The following VIPR1 variants were observed in gnomAD, a reference collection of about 807,000 sequenced individuals.
VIPR1 encodes vasoactive intestinal polypeptide receptor 1.
In VIPR1, 59 loss-of-function variants were observed where a neutral mutation model predicts 58.8. The ratio of observed to expected loss-of-function variants is 1.00; its 90% confidence interval spans 0.81 to 1.25. The LOEUF (loss-of-function observed/expected upper bound fraction) is 1.25. VIPR1 is among the 50% of genes most tolerant of loss of function. The probability of loss-of-function intolerance (pLI) is 0.00; values close to 1 mark genes in which losing one functional copy is unlikely to be tolerated. For missense variants in VIPR1, 626 were observed against 602.7 expected (o/e 1.04, Z -0.40); for synonymous variants, 251 against 242.1 (o/e 1.04, Z -0.34).
chr3:42,494,154 G>A (rs1209214831), intron 1 of VIPR1, among the ~76,000 whole-genome samples: 2 of 152,166 alleles, frequency 1.3e-5, no homozygotes, highest in African/African-American at 2.4e-5. Context: ...CTTTATTGAC[G>A]CTGCTGTTTA....
At position 42,532,215 on chromosome 3, in the gene VIPR1, G is replaced by A. The variant is rs199512560; in HGVS notation, c.919-27G>A. ...ACACCTCAGCCTTCCCGCTCTGACT[G>A]CCCGAACTCGGGTCCCCACCCACTA... On this transcript the variant is annotated intron_variant, in intron 9 of 12. Coordinates refer to ENST00000325123, the MANE Select transcript of VIPR1 (RefSeq NM_004624.4). 4.3e-6 allele frequency: 7 copies of A among 1,611,834 alleles called. No homozygotes were observed. The African/African-American group carries it at 5.3e-5, about 12-fold the overall frequency.
At chr3:42,526,032 C>T (rs926854394) in intron 4 of VIPR1, 39 bp downstream of exon 4, 16 of 1,562,672 alleles carry the variant, frequency 1.0e-5, no homozygotes, top group South Asian at 2.3e-5. Flanking sequence ...TGCAGAGCGC[C>T]GGGGCCCACC....
Position 42,502,749 on chromosome 3 carries a change from G to A in VIPR1, c.14G>A (p.Ser5Asn). The A allele has an allele frequency of 7.6e-7, 1 of 1,312,062 alleles. No individual in the cohort carries two copies. Among genetic ancestry groups the A allele is most frequent in the South Asian group, 2.2e-5 (1 of 45,164 alleles). 81.3% of individuals were successfully genotyped at this position (1,312,062 alleles called of 1,614,324 possible). A position where few individuals can be genotyped will look rare whatever the true frequency, so the allele number is the denominator to read the frequency against. ...TCAGGGCAGACCATGCGCCCGCCAA[G>A]TCCGCTGCCCGCCCGCTGGCTATGC... is the stretch of plus-strand genomic sequence containing the variant. MRPP[S>N]PLPARWLCVL... The change falls in exon 1 of 13, where the codon AGT becomes AAT. Residue 5 changes from serine to asparagine, a missense_variant. Physicochemically the swap from Ser to Asn is conservative, Grantham distance 46 (BLOSUM62 1). Transcript: ENST00000325123.
chr3:42,536,139 T>C lies in VIPR1; in HGVS notation c.1232T>C (p.Val411Ala), dbSNP rs779308639. The change falls in exon 13 of 13, where the codon GTC becomes GCC. Residue 411 changes from valine to alanine, a missense_variant. Coordinates refer to ENST00000325123, the MANE Select transcript of VIPR1 (RefSeq NM_004624.4). The part of the protein sequence containing the change: ...RKWRRWHLQG[V>A]LGWNPKYRHP... ...TGGCGGCGCTGGCACCTGCAGGGCG[T>C]CCTGGGCTGGAACCCCAAATACCGG... 4 of 1,605,816 alleles carry C rather than the reference T, an allele frequency of 2.5e-6. No individual in the cohort carries two copies. The Admixed American group carries it at 6.7e-5, about 27-fold the overall frequency.
At chr3:42,500,811 A>G (rs1699853545), upstream of VIPR1, among the ~76,000 whole-genome samples, 1 of 152,194 alleles carries the variant, frequency 6.6e-6, no homozygotes, top group Non-Finnish European at 1.5e-5. Flanking sequence ...GAGATCGAGT[A>G]CAAACCCAAG....
intron 2 of VIPR1, among the ~76,000 whole-genome samples, chr3:42,514,502 G>A (rs532200860): frequency 2.7e-5 from 4 of 150,520 alleles, no homozygotes; most frequent in Non-Finnish European, 5.9e-5. Context: ...CTCAACCCCA[G>A]GCTCTGCCTC....
At chr3:42,525,858 C>A (rs895704877) in intron 3 of VIPR1, 29 bp from the exon 4 acceptor site, 8 of 1,580,622 alleles carry the variant, frequency 5.1e-6, no homozygotes, top group Middle Eastern at 1.7e-4. Context: ...CGGCCTCAGC[C>A]TTTGTCCTTG....
At position 42,532,351 on chromosome 3, in the gene VIPR1, G is replaced by T; in HGVS notation, c.1010+18G>T. 6.2e-7 allele frequency: 1 copy of T among 1,610,958 alleles called. No homozygotes were observed. The highest frequency in any genetic ancestry group is 1.1e-5 in the South Asian group (1 of 91,000). On this transcript the variant is annotated intron_variant, in intron 10 of 12. Coordinates refer to ENST00000325123, the MANE Select transcript of VIPR1 (RefSeq NM_004624.4). ...CCATACTCGTGAGTGTGGGCCTAGT[G>T]CCTCAGCCCCCAGTACCTCCATCCC...
Position 42,535,241 on chromosome 3 carries a change from C to T in VIPR1, c.1141-102C>T, listed in dbSNP as rs188774108. ...ATAAGCACCTACTTTGTGCTTAGCT[C>T]TTTCCTTAACCAGGGGAACACAGGG... On this transcript the variant is annotated intron_variant, in intron 11 of 12. Transcript: ENST00000325123. 9 of 1,590,412 alleles carry T rather than the reference C, an allele frequency of 5.7e-6. No homozygotes were observed. In the Admixed American group the frequency reaches 1.5e-4, roughly 27 times the overall value.
intron 1 of VIPR1, among the ~76,000 whole-genome samples, chr3:42,504,486 A>C (rs1577199865): frequency 6.7e-6 from 1 of 149,750 alleles, no homozygotes; most frequent in African/African-American, 2.5e-5. Flanking sequence ...CTCTAACCCC[A>C]CCCTTCAGCC....
chr3:42,490,856 G>A (rs995582451), intron 1 of VIPR1, among the ~76,000 whole-genome samples: 4 of 152,132 alleles, frequency 2.6e-5, no homozygotes, highest in Non-Finnish European at 2.9e-5. Context: ...AGCAGCAGGG[G>A]TCTAGGAATA....
chr3:42,531,313 C>T (rs1488496747), intron 7 of VIPR1, 158 bp from the exon 8 acceptor site: 29 of 740,402 alleles, frequency 3.9e-5, no homozygotes, highest in Admixed American at 2.0e-4. Flanking sequence ...AGCATCCCTC[C>T]GTGGTGAACA....
At chr3:42,496,897 A>G (rs1699773141) in intron 1 of VIPR1, among the ~76,000 whole-genome samples, 1 of 152,188 alleles carries the variant, frequency 6.6e-6, no homozygotes, top group African/African-American at 2.4e-5. Flanking sequence ...TTTATTGGAT[A>G]CATGGAGTTT....
intron 1 of VIPR1, among the ~76,000 whole-genome samples, chr3:42,494,178 T>C (rs2125623625): frequency 6.6e-6 from 1 of 152,392 alleles, no homozygotes; most frequent in Admixed American, 6.5e-5. Context: ...TTTGCTTCTA[T>C]GTTTATGTAT....
intron 1 of VIPR1, among the ~76,000 whole-genome samples, chr3:42,493,284 G>C (rs1699699806): frequency 6.6e-6 from 1 of 152,154 alleles, no homozygotes; most frequent in Non-Finnish European, 1.5e-5. Context: ...TTGCCACTGT[G>C]GGCAGCCATC....
chr3:42,491,615 C>A (rs1328095750), intron 1 of VIPR1, among the ~76,000 whole-genome samples: 1 of 152,132 alleles, frequency 6.6e-6, no homozygotes, highest in Non-Finnish European at 1.5e-5. Context: ...CACTGTGTCA[C>A]CCAGGCTGGA....
At chr3:42,498,816 T>C (rs114259791), upstream of VIPR1, among the ~76,000 whole-genome samples, 1,486 of 152,176 alleles carry the variant, frequency 9.8e-3, 18 homozygotes, top group African/African-American at 0.032. Context: ...AGTGCGGGTG[T>C]TGAGACGTGA....
chr3:42,502,987 G>A (rs1413615783), intron 1 of VIPR1, among the ~76,000 whole-genome samples, 174 bp downstream of exon 1: 20 of 152,202 alleles, frequency 1.3e-4, no homozygotes, highest in Non-Finnish European at 7.3e-5. Flanking sequence ...ACCTAGACGC[G>A]AGGGCTGGGA....
rs1480396271 is a variant in VIPR1, at chr3:42,527,485, G to A, written c.492G>A (p.Leu164=). ...LATLLVATAI[L]SLFRKLHCTR... The stretch of plus-strand genomic sequence containing the variant: ...CCCTTCTGGTCGCCACAGCTATCCT[G>A]AGCCTGTTCAGGTGAGGCCCAGCCC... The change falls in exon 5 of 13, where the codon CTG becomes CTA. Residue 164 remains leucine (L), a synonymous_variant. Transcript: ENST00000325123. 1 of 1,613,682 alleles carries A rather than the reference G, an allele frequency of 6.2e-7. No homozygotes were observed. Among genetic ancestry groups the A allele is most frequent in the Non-Finnish European group, 8.5e-7 (1 of 1,179,940 alleles).
Sources: allele counts gnomAD v4.1 joint callset (sites outside exome capture counted in the v4.1 genomes callset), GRCh38; gene constraint gnomAD v4.1.1; transcripts MANE v1.5; gene names NCBI Gene and HGNC (gene_info 2026-07-23, HGNC 2026-07-21).